Variants in TNFSF4 observed in about 807,000 individuals in gnomAD.
The protein encoded by TNFSF4 is tumor necrosis factor ligand superfamily member 4.
TNFSF4 carries 4 observed loss-of-function variants against 7.3 expected under a neutral mutation model. That is an observed-to-expected ratio of 0.55 (90% CI 0.27 to 1.25). TNFSF4 has a LOEUF of 1.25. Among genes scored for constraint, TNFSF4 ranks in the 50% most tolerant of loss-of-function variants. The pLI is 0.12. For synonymous variants in TNFSF4, 76 were observed against 83.7 expected, an observed-to-expected ratio of 0.91 and a Z score of 0.50; for missense variants, 181 against 208.8, an observed-to-expected ratio of 0.87 and a Z score of 0.82.
the TNFSF4 span, among the ~76,000 whole-genome samples, chr1:173,372,339 C>G: frequency 3.3e-5 from 5 of 152,322 alleles, no homozygotes; most frequent in African/African-American, 9.6e-5. Flanking sequence ...GGCAAATACT[C>G]ATCTAGTAGA....
At chr1:173,370,335 C>G in the TNFSF4 span, among the ~76,000 whole-genome samples, 1 of 152,106 alleles carries the variant, frequency 6.6e-6, no homozygotes, top group African/African-American at 2.4e-5. Flanking sequence ...ACAATGACAG[C>G]CGAAGAAAGG....
At chr1:173,315,940 C>T in the TNFSF4 span, among the ~76,000 whole-genome samples, 1 of 152,082 alleles carries the variant, frequency 6.6e-6, no homozygotes, top group African/African-American at 2.4e-5. Flanking sequence ...GCTGCCTGAG[C>T]TTTTGATTTC....
At chr1:173,188,420 C>T in intron 2 of TNFSF4, 101 bp downstream of exon 2, 1 of 935,140 alleles carries the variant, frequency 1.1e-6, no homozygotes, top group Non-Finnish European at 1.7e-6. Context: ...TAATTCCTTC[C>T]CTTAGGAAAA....
At chr1:173,289,192 G>T in the TNFSF4 span, among the ~76,000 whole-genome samples, 1 of 152,128 alleles carries the variant, frequency 6.6e-6, no homozygotes, top group Non-Finnish European at 1.5e-5. Context: ...ATGCAATGTG[G>T]TCCCCTTGAG....
At chr1:173,372,377 C>CA in the TNFSF4 span, among the ~76,000 whole-genome samples, 1 of 152,194 alleles carries the variant, frequency 6.6e-6, no homozygotes, top group Non-Finnish European at 1.5e-5. Context: ...AAACAGACTT[C>CA]AAAACCTTAA....
the TNFSF4 span, among the ~76,000 whole-genome samples, chr1:173,328,440 C>G: frequency 6.6e-6 from 1 of 151,584 alleles, no homozygotes; most frequent in Non-Finnish European, 1.5e-5. Flanking sequence ...ACTAACATGG[C>G]ACATGTATAC....
At chr1:173,377,747 C>G in the TNFSF4 span, among the ~76,000 whole-genome samples, 1 of 152,180 alleles carries the variant, frequency 6.6e-6, no homozygotes, top group Non-Finnish European at 1.5e-5. Context: ...TGCCCAAAGC[C>G]CTGCCAGGGT....
the TNFSF4 span, among the ~76,000 whole-genome samples, chr1:173,328,270 CG>C: frequency 6.7e-6 from 1 of 148,960 alleles, no homozygotes; most frequent in Non-Finnish European, 1.5e-5. Flanking sequence ...AACCAAACAC[CG>C]CATGTTCTCA....
intron 1 of TNFSF4, among the ~76,000 whole-genome samples, chr1:173,195,177 C>G (rs1649648799): frequency 6.6e-6 from 1 of 152,134 alleles, no homozygotes; most frequent in Non-Finnish European, 1.5e-5. Flanking sequence ...AAGCATTTAT[C>G]TGAGGGTCCT....
the TNFSF4 span, among the ~76,000 whole-genome samples, chr1:173,253,668 C>T: frequency 6.6e-6 from 1 of 152,186 alleles, no homozygotes; most frequent in African/African-American, 2.4e-5. Context: ...TTCTGCCCTA[C>T]TCTGGTATGG....
At chr1:173,263,106 A>G in the TNFSF4 span, among the ~76,000 whole-genome samples, 1 of 152,240 alleles carries the variant, frequency 6.6e-6, no homozygotes, top group East Asian at 1.9e-4. Context: ...AAGGACAAGT[A>G]CAAACCACTG....
chr1:173,432,933 T>C, the TNFSF4 span, among the ~76,000 whole-genome samples: 2 of 152,210 alleles, frequency 1.3e-5, no homozygotes, highest in Non-Finnish European at 2.9e-5. Flanking sequence ...CTCCATGTAT[T>C]GTAAGACAGT....
At chr1:173,442,555 T>G in the TNFSF4 span, among the ~76,000 whole-genome samples, 14 of 141,124 alleles carry the variant, frequency 9.9e-5, no homozygotes, top group East Asian at 4.0e-4. Context: ...GTTTTTGTTT[T>G]TTTTTTTTTT....
chr1:173,252,239 A>G, the TNFSF4 span, among the ~76,000 whole-genome samples: 1 of 152,146 alleles, frequency 6.6e-6, no homozygotes. Flanking sequence ...AAAAGAAAGG[A>G]GGGAGGGAAA....
the TNFSF4 span, among the ~76,000 whole-genome samples, chr1:173,340,862 T>C: frequency 1.3e-5 from 2 of 152,268 alleles, no homozygotes; most frequent in East Asian, 1.9e-4. Context: ...CTTGGTGATA[T>C]GGTTTGGCTG....
chr1:173,301,430 T>G, the TNFSF4 span, among the ~76,000 whole-genome samples: 1 of 151,898 alleles, frequency 6.6e-6, no homozygotes, highest in South Asian at 2.1e-4. Context: ...TTTGGGTTGT[T>G]GTGAAGATTC....
chr1:173,382,482 T>C, the TNFSF4 span, among the ~76,000 whole-genome samples: 1 of 152,166 alleles, frequency 6.6e-6, no homozygotes, highest in Non-Finnish European at 1.5e-5. Context: ...AGATGACGGG[T>C]TGATGAGTGC....
chr1:173,381,611 C>T, the TNFSF4 span, among the ~76,000 whole-genome samples: 8 of 152,282 alleles, frequency 5.3e-5, no homozygotes, highest in African/African-American at 1.7e-4. Flanking sequence ...AACCCATTGG[C>T]CTTTTCACTG....
At chr1:173,384,390 G>C in the TNFSF4 span, among the ~76,000 whole-genome samples, 1 of 152,150 alleles carries the variant, frequency 6.6e-6, no homozygotes, top group African/African-American at 2.4e-5. Context: ...TGTTGGGGGA[G>C]AACAAAGGTT....
Sources: gnomAD v4.1 joint callset for allele counts (sites outside exome capture counted in the v4.1 genomes callset) on GRCh38, gnomAD v4.1.1 for gene constraint, MANE v1.5 for transcripts, NCBI Gene and HGNC (gene_info 2026-07-23, HGNC 2026-07-21) for gene names.